Variants in SSH2 observed in about 807,000 individuals in gnomAD.
SSH2 encodes slingshot protein phosphatase 2.
Under a neutral mutation model 135.2 loss-of-function variants are expected in SSH2, and 37 were observed. That is an observed-to-expected ratio of 0.27 (90% CI 0.21 to 0.36). SSH2 has a LOEUF of 0.36. Among genes scored for constraint, SSH2 ranks in the 10% least tolerant of loss-of-function variants. The probability of loss-of-function intolerance (pLI) is 1.00; values close to 1 mark genes in which losing one functional copy is unlikely to be tolerated. For synonymous variants in SSH2, 628 were observed against 646.2 expected, an observed-to-expected ratio of 0.97 and a Z score of 0.43; for missense variants, 1,408 against 1,765.3, an observed-to-expected ratio of 0.80 and a Z score of 3.63.
At chr17:29,785,656 C>T (rs771801577) in intron 3 of SSH2, among the ~76,000 whole-genome samples, 9 of 151,734 alleles carry the variant, frequency 5.9e-5, no homozygotes, top group Non-Finnish European at 1.3e-4. Context: ...CGTGCCATCA[C>T]GCTCAACTAA....
intron 3 of SSH2, among the ~76,000 whole-genome samples, chr17:29,725,090 G>A (rs2039954805): frequency 1.3e-5 from 2 of 151,524 alleles, no homozygotes; most frequent in African/African-American, 4.8e-5. Flanking sequence ...GCTCACGCCT[G>A]TAATCCCAGC....
At chr17:29,740,662 A>C (rs544277775) in intron 3 of SSH2, among the ~76,000 whole-genome samples, 12 of 152,336 alleles carry the variant, frequency 7.9e-5, no homozygotes, top group Non-Finnish European at 1.8e-4. Flanking sequence ...GAAATATATC[A>C]AGTGCTTTCT....
intron 6 of SSH2, among the ~76,000 whole-genome samples, chr17:29,684,343 G>A (rs1052040377): frequency 6.6e-6 from 1 of 152,084 alleles, no homozygotes; most frequent in Admixed American, 6.5e-5. Context: ...TTGGCATAGT[G>A]GTGTACACCT....
intron 1 of SSH2, among the ~76,000 whole-genome samples, chr17:29,885,437 G>C: frequency 6.6e-6 from 1 of 151,338 alleles, no homozygotes; most frequent in Non-Finnish European, 1.5e-5. Context: ...TGAGTGACAC[G>C]AGTGATAGAA....
chr17:29,839,841 C>T (rs377569617), intron 2 of SSH2, among the ~76,000 whole-genome samples: 1 of 152,112 alleles, frequency 6.6e-6, no homozygotes, highest in Non-Finnish European at 1.5e-5. Flanking sequence ...TAAAGAGCAC[C>T]GGCTGGGAGT....
At chr17:29,792,686 C>T (rs1455295947) in intron 3 of SSH2, among the ~76,000 whole-genome samples, 2 of 152,070 alleles carry the variant, frequency 1.3e-5, no homozygotes, top group Non-Finnish European at 1.5e-5. Context: ...TTTGTTTGTT[C>T]TTGTTTTTGA....
intron 3 of SSH2, among the ~76,000 whole-genome samples, chr17:29,715,055 C>T (rs1035233641): frequency 2.0e-5 from 3 of 151,820 alleles, no homozygotes; most frequent in South Asian, 2.1e-4. Flanking sequence ...TTAGTAGAGA[C>T]GGGGTTTCAC....
chr17:29,640,717 C>T (rs2036122714), intron 14 of SSH2: 2 of 152,186 alleles, frequency 1.3e-5, no homozygotes, highest in South Asian at 4.1e-4. Context: ...TGAAACACTG[C>T]TACTCCACGT....
intron 14 of SSH2, among the ~76,000 whole-genome samples, chr17:29,638,184 C>T (rs937832436): frequency 6.6e-6 from 1 of 151,332 alleles, no homozygotes; most frequent in African/African-American, 2.4e-5. Flanking sequence ...AGATGAGACA[C>T]CAAACAACAA....
intron 3 of SSH2, among the ~76,000 whole-genome samples, chr17:29,745,320 C>T (rs1267160554): frequency 1.3e-5 from 2 of 152,060 alleles, no homozygotes; most frequent in African/African-American, 2.4e-5. Flanking sequence ...TCACCACACC[C>T]GGCTAATTTT....
chr17:29,732,047 A>C (rs1392503573), intron 3 of SSH2, among the ~76,000 whole-genome samples: 2 of 152,192 alleles, frequency 1.3e-5, no homozygotes, highest in African/African-American at 2.4e-5. Flanking sequence ...AAAAGAGGGT[A>C]AAAGACAGCT....
chr17:29,630,825 A>T lies in SSH2; in HGVS notation c.*16T>A. The T allele has an allele frequency of 1.3e-6, 2 of 1,517,926 alleles. No individual in the cohort carries two copies. The highest frequency in any genetic ancestry group is 1.8e-6 in the Non-Finnish European group (2 of 1,131,804). The allele number at this position is 1,517,926 out of a possible 1,614,324, so 94.0% of individuals were successfully genotyped here. A position where few individuals can be genotyped will look rare whatever the true frequency, so the allele number is the denominator to read the frequency against. ...ACAAACATTTCTTCTAGAAAGTCAC[A>T]TGTGTAGGCTCAGAATCACATGGTA... On this transcript the variant is annotated 3_prime_UTR_variant, in exon 16 of 16. Transcript: ENST00000540801.
intron 3 of SSH2, among the ~76,000 whole-genome samples, chr17:29,748,063 A>C (rs922824131): frequency 6.6e-6 from 1 of 152,240 alleles, no homozygotes; most frequent in African/African-American, 2.4e-5. Context: ...ATCAAAAAGA[A>C]ATCTTGACTT....
intron 8 of SSH2, chr17:29,673,923 C>A (rs2037600356): frequency 3.2e-6 from 1 of 315,480 alleles, no homozygotes; most frequent in Non-Finnish European, 6.4e-6. Flanking sequence ...ATTTTTCAAT[C>A]ATTTGTTTTT....
intron 1 of SSH2, among the ~76,000 whole-genome samples, chr17:29,898,532 G>C (rs2066487061): frequency 6.6e-6 from 1 of 152,156 alleles, no homozygotes; most frequent in Non-Finnish European, 1.5e-5. Context: ...AAATCTAGAA[G>C]AAATGGATAA....
chr17:29,748,067 T>G (rs934247505), intron 3 of SSH2, among the ~76,000 whole-genome samples: 1 of 152,228 alleles, frequency 6.6e-6, no homozygotes, highest in Non-Finnish European at 1.5e-5. Context: ...AAAAGAAATC[T>G]TGACTTGAGC....
At chr17:29,817,549 A>G in intron 2 of SSH2, among the ~76,000 whole-genome samples, 1 of 152,180 alleles carries the variant, frequency 6.6e-6, no homozygotes, top group East Asian at 1.9e-4. Context: ...ATCAAGCTAA[A>G]TAACTACAGG....
intron 3 of SSH2, among the ~76,000 whole-genome samples, chr17:29,752,872 A>C (rs565824014): frequency 4.6e-5 from 7 of 151,968 alleles, no homozygotes; most frequent in African/African-American, 1.7e-4. Flanking sequence ...TCAGTTACAC[A>C]TAAAAAGATG....
intron 3 of SSH2, among the ~76,000 whole-genome samples, chr17:29,763,262 T>C (rs1171531588): frequency 6.6e-6 from 1 of 152,140 alleles, no homozygotes; most frequent in African/African-American, 2.4e-5. Context: ...AAGCACCAGG[T>C]GGCAAGTGAA....
Sources: allele counts gnomAD v4.1 joint callset (sites outside exome capture counted in the v4.1 genomes callset), GRCh38; gene constraint gnomAD v4.1.1; transcripts MANE v1.5; gene names NCBI Gene and HGNC (gene_info 2026-07-23, HGNC 2026-07-21).